The following SNTB1 variants were observed in gnomAD, a reference collection of about 807,000 sequenced individuals.
SNTB1 encodes the protein beta-1-syntrophin.
A neutral mutation model predicts 48.9 loss-of-function variants in SNTB1; 36 were observed. The ratio of observed to expected loss-of-function variants is 0.74; its 90% CI spans 0.56 to 0.97. The LOEUF is 0.97. SNTB1 is among the 50% of genes least tolerant of loss of function. The pLI is 0.00. For missense variants in SNTB1, 786 were observed against 703.4 expected (o/e 1.12, Z -1.33); for synonymous variants, 299 against 294.6 (o/e 1.01, Z -0.15).
intron 4 of SNTB1, among the ~76,000 whole-genome samples, chr8:120,556,237 C>T (rs1404498983): frequency 2.0e-5 from 3 of 152,090 alleles, no homozygotes; most frequent in Admixed American, 1.3e-4. Context: ...GGAAGAGAGT[C>T]GGAACCCGCT....
intron 5 of SNTB1, among the ~76,000 whole-genome samples, chr8:120,544,790 C>CTT (rs113100073): frequency 0.01 from 1,193 of 114,050 alleles, 17 homozygotes; most frequent in Middle Eastern, 0.05. Context: ...AAATTCAAAA[C>CTT]TTTTTTTTTT....
chr8:120,632,480 G>C lies in SNTB1; in HGVS notation c.960C>G (p.Ser320Arg). The C allele has an allele frequency of 6.2e-7, 1 of 1,614,082 alleles. No homozygotes were observed. Among genetic ancestry groups the C allele is most frequent in the Non-Finnish European group, 8.5e-7 (1 of 1,180,022 alleles). Reference sequence around the variant, plus strand: ...GCCAGCCAAGATGCCTAATCTCTCGGCTCCCAGCAATGCCTGTTTTCCCCA... The same window carrying C: ...GCCAGCCAAGATGCCTAATCTCTCGCCTCCCAGCAATGCCTGTTTTCCCCA... Reference protein sequence around the residue: ...EQLGKTGIAGSREIRHLGWLA... With the variant: ...EQLGKTGIAGRREIRHLGWLA... Residue 320 changes from serine to arginine, a missense_variant, in exon 3 of 7, where the codon AGC becomes AGG. Ser to Arg is a moderately radical substitution (Grantham distance 110, BLOSUM62 -1). Transcript: ENST00000517992.
chr8:120,735,250 C>T (rs536660294), intron 1 of SNTB1, among the ~76,000 whole-genome samples: 1 of 152,182 alleles, frequency 6.6e-6, no homozygotes, highest in East Asian at 1.9e-4. Context: ...GAGGATGACA[C>T]AAGGGACTTC....
At chr8:120,670,892 T>C (rs1817747295) in intron 2 of SNTB1, among the ~76,000 whole-genome samples, 2 of 152,226 alleles carry the variant, frequency 1.3e-5, no homozygotes, top group South Asian at 2.1e-4. Flanking sequence ...TACCATTCTA[T>C]GAATTAAAAG....
At chr8:120,770,527 T>G (rs912374347) in intron 1 of SNTB1, among the ~76,000 whole-genome samples, 8 of 152,024 alleles carry the variant, frequency 5.3e-5, no homozygotes, top group African/African-American at 1.9e-4. Flanking sequence ...GTACACACCT[T>G]TACGCCGGGT....
rs1820449342 is a variant in SNTB1, at chr8:120,811,988, G to C, written c.-145C>G. On this transcript the variant is annotated 5_prime_UTR_variant, in exon 1 of 7. Coordinates refer to ENST00000517992, the MANE Select transcript of SNTB1 (RefSeq NM_021021.4). ...CGGCACGCGGGACTCCGCTCCGGGA[G>C]TTCGCAGACGCACTCGGCGGGAGTT... 7.9e-7 allele frequency: 1 copy of C among 1,269,440 alleles called. No individual in the cohort carries two copies. The highest frequency in any genetic ancestry group is 4.3e-5 in the Admixed American group (1 of 23,354). 78.6% of individuals were successfully genotyped at this position (1,269,440 alleles called of 1,614,324 possible).
intron 1 of SNTB1, among the ~76,000 whole-genome samples, chr8:120,745,127 C>T (rs1296873787): frequency 2.2e-5 from 3 of 137,638 alleles, no homozygotes; most frequent in Admixed American, 7.3e-5. Context: ...TTTTAACTGT[C>T]CTGCCCAACT....
rs185881707 is a variant in SNTB1, at chr8:120,641,312, A to T, written c.789-8661T>A. Reference sequence around the variant, plus strand: ...TTTTTAATCAACAATGGTGGTTATCAACTGGCTTTTCAAGTTATTCTATCA... The same window carrying T: ...TTTTTAATCAACAATGGTGGTTATCTACTGGCTTTTCAAGTTATTCTATCA... On this transcript the variant is annotated intron_variant, in intron 2 of 6. Transcript: ENST00000517992. Among the ~76,000 whole-genome samples the T allele has an allele frequency of 4.3e-4, 65 of 152,324 alleles. 1 individual carries two copies. The highest frequency in any genetic ancestry group is 1.2e-4 in the Non-Finnish European group (8 of 68,036).
chr8:120,613,297 G>T (rs1007320779), intron 3 of SNTB1, among the ~76,000 whole-genome samples: 2 of 151,914 alleles, frequency 1.3e-5, no homozygotes, highest in Non-Finnish European at 2.9e-5. Context: ...GCTGCAGTGA[G>T]CCGGGATTGT....
intron 2 of SNTB1, among the ~76,000 whole-genome samples, chr8:120,670,168 T>C (rs1032416326): frequency 6.6e-6 from 1 of 152,198 alleles, no homozygotes; most frequent in Non-Finnish European, 1.5e-5. Flanking sequence ...TGCTTCAGCA[T>C]GGATAACAAG....
chr8:120,548,898 T>C lies in SNTB1; in HGVS notation c.1197A>G (p.Ala399=). 6.2e-7 allele frequency: 1 copy of C among 1,612,378 alleles called. No homozygotes were observed. Among genetic ancestry groups the C allele is most frequent in the Admixed American group, 1.7e-5 (1 of 59,904 alleles). Residue 399 remains alanine, a synonymous_variant, in exon 5 of 7, where the codon GCA becomes GCG. Coordinates refer to ENST00000517992, the MANE Select transcript of SNTB1 (RefSeq NM_021021.4). Reference sequence around the variant, plus strand: ...TCCCTTGCCTGGTACCAGTTCGCGTTGCAAAGGACAGATCCACACCAGCCT... The same window carrying C: ...TCCCTTGCCTGGTACCAGTTCGCGTCGCAAAGGACAGATCCACACCAGCCT... The part of the protein sequence containing the change: ...SPQAGVDLSF[A]TRTGTRQGIE...
chr8:120,696,086 A>G (rs1321683626), intron 1 of SNTB1, among the ~76,000 whole-genome samples: 2 of 152,166 alleles, frequency 1.3e-5, no homozygotes, highest in Admixed American at 6.5e-5. Context: ...CATCTGTGAA[A>G]CCATTTTAGT....
At position 120,672,019 on chromosome 8, in the gene SNTB1, C is replaced by T. The variant is rs1438606754; in HGVS notation, c.788+21673G>A. On this transcript the variant is annotated intron_variant, in intron 2 of 6. Transcript: ENST00000517992. ...CAGTAGAAACTGTACTTCAAGTACCCGAACAACCTCCCTGCTTTTTCACTT... is the reference window on the plus strand; with the variant it reads ...CAGTAGAAACTGTACTTCAAGTACCTGAACAACCTCCCTGCTTTTTCACTT... Among the ~76,000 whole-genome samples, 7 of 152,088 alleles carry T rather than the reference C, an allele frequency of 4.6e-5. 1 individual carries two copies. The highest frequency in any genetic ancestry group is 8.8e-5 in the Non-Finnish European group (6 of 68,016).
At chr8:120,618,302 C>T (rs1006004322) in intron 3 of SNTB1, among the ~76,000 whole-genome samples, 1 of 152,322 alleles carries the variant, frequency 6.6e-6, no homozygotes, top group Admixed American at 6.5e-5. Context: ...TTTGTATCTC[C>T]AGCTTACTGC....
intron 3 of SNTB1, among the ~76,000 whole-genome samples, chr8:120,622,221 C>T (rs964287921): frequency 1.3e-5 from 2 of 152,054 alleles, no homozygotes; most frequent in African/African-American, 4.8e-5. Context: ...TCTCCAGCTC[C>T]GTAAAGATCT....
rs186275531 is a variant in SNTB1, at chr8:120,801,832, T to A, written c.571+9441A>T. ...ATTAAATTATCTATCTAAACTTTTTTAAAAAAATTCACAATGACATTGTAA... is the reference window on the plus strand; with the variant it reads ...ATTAAATTATCTATCTAAACTTTTTAAAAAAAATTCACAATGACATTGTAA... On this transcript the variant is annotated intron_variant, in intron 1 of 6. Coordinates refer to ENST00000517992, the MANE Select transcript of SNTB1 (RefSeq NM_021021.4). Among the ~76,000 whole-genome samples the A allele has an allele frequency of 3.0e-3, 460 of 152,234 alleles. 2 individuals are homozygous for A. Among genetic ancestry groups the A allele is most frequent in the Non-Finnish European group, 4.6e-3 (311 of 67,984 alleles).
chr8:120,600,291 G>A (rs1816401782), intron 3 of SNTB1, among the ~76,000 whole-genome samples: 1 of 152,242 alleles, frequency 6.6e-6, no homozygotes, highest in African/African-American at 2.4e-5. Context: ...CCACCATGCT[G>A]AGAGAGGCCC....
intron 1 of SNTB1, among the ~76,000 whole-genome samples, chr8:120,736,426 G>A (rs1426740576): frequency 1.3e-5 from 2 of 152,192 alleles, no homozygotes; most frequent in Non-Finnish European, 2.9e-5. Context: ...TCAGTGAAGA[G>A]AACTAAAAGT....
intron 1 of SNTB1, among the ~76,000 whole-genome samples, chr8:120,798,502 A>G (rs764364892): frequency 6.6e-6 from 1 of 152,096 alleles, no homozygotes; most frequent in Non-Finnish European, 1.5e-5. Context: ...AGCCTCCACA[A>G]TGAAGAACTA....
Sources: allele counts gnomAD v4.1 joint callset (sites outside exome capture counted in the v4.1 genomes callset), GRCh38; gene constraint gnomAD v4.1.1; transcripts MANE v1.5; gene names NCBI Gene and HGNC (gene_info 2026-07-23, HGNC 2026-07-21).